GRXCR1: variants seen among roughly 807,000 people sequenced by gnomAD.
GRXCR1 encodes the protein glutaredoxin and cysteine rich domain containing 1.
In GRXCR1, 27 loss-of-function variants were observed where a neutral mutation model predicts 27.3. That is an observed-to-expected ratio of 0.99 (90% CI 0.73 to 1.37). The LOEUF is 1.37. Ranked by LOEUF, GRXCR1 falls within the 40% of genes most tolerant of loss-of-function variation. GRXCR1 has a pLI of 0.00. For synonymous variants in GRXCR1, 122 were observed against 131.1 expected, an observed-to-expected ratio of 0.93 and a Z score of 0.47; for missense variants, 379 against 354.4, an observed-to-expected ratio of 1.07 and a Z score of -0.56.
At chr4:42,988,206 TTG>T (rs1711842677) in intron 2 of GRXCR1, among the ~76,000 whole-genome samples, 1 of 152,202 alleles carries the variant, frequency 6.6e-6, no homozygotes, top group African/African-American at 2.4e-5. Flanking sequence ...CTGTCTATTA[TTG>T]TGTTTTGTCC....
At chr4:42,936,619 T>G (rs1747464112) in intron 1 of GRXCR1, among the ~76,000 whole-genome samples, 1 of 151,886 alleles carries the variant, frequency 6.6e-6, no homozygotes, top group Admixed American at 6.6e-5. Flanking sequence ...TTTATTCAGA[T>G]TTCCTTAGGG....
chr4:43,024,851 C>T (rs1222259138), intron 3 of GRXCR1, among the ~76,000 whole-genome samples: 1 of 152,040 alleles, frequency 6.6e-6, no homozygotes, highest in Non-Finnish European at 1.5e-5. Context: ...TAATGCCAAG[C>T]GTGTACTCTG....
At chr4:43,004,542 G>A (rs1056334797) in intron 2 of GRXCR1, among the ~76,000 whole-genome samples, 2 of 152,208 alleles carry the variant, frequency 1.3e-5, no homozygotes, top group African/African-American at 4.8e-5. Context: ...TCTGTGGGGG[G>A]TAACCCTGCA....
chr4:42,921,673 A>T (rs1253375662), intron 1 of GRXCR1, among the ~76,000 whole-genome samples: 1 of 152,140 alleles, frequency 6.6e-6, no homozygotes, highest in Admixed American at 6.5e-5. Flanking sequence ...TACCATATTT[A>T]AATATGTTTT....
chr4:42,903,419 C>T (rs1284947211), intron 1 of GRXCR1, among the ~76,000 whole-genome samples: 1 of 139,774 alleles, frequency 7.2e-6, no homozygotes, highest in African/African-American at 2.6e-5. Flanking sequence ...TCATGCCATT[C>T]TCCTGCCTCA....
chr4:42,952,328 AAAG>A (rs1223615267), intron 1 of GRXCR1, among the ~76,000 whole-genome samples: 2 of 152,110 alleles, frequency 1.3e-5, no homozygotes, highest in Non-Finnish European at 2.9e-5. Context: ...CCAATTCTCC[AAAG>A]AAGAAGGCAG....
intron 2 of GRXCR1, among the ~76,000 whole-genome samples, chr4:42,991,736 C>A (rs1185845889): frequency 6.6e-6 from 1 of 151,966 alleles, no homozygotes; most frequent in East Asian, 1.9e-4. Flanking sequence ...CATTATCATC[C>A]TCTGTTTATA....
Position 42,944,179 on chromosome 4 carries a change from G to T in GRXCR1, c.385-18713G>T, listed in dbSNP as rs76035948. ...ATGACTAGAGAAGACTGGATGGAAG[G>T]TGACTACAGGGTCTGGTAGAAGATG... On this transcript the variant is annotated intron_variant, in intron 1 of 3. Transcript: ENST00000399770. Among the ~76,000 whole-genome samples, 687 of 152,168 alleles carry T rather than the reference G, an allele frequency of 4.5e-3. 2 individuals are homozygous for T. The highest frequency in any genetic ancestry group is 5.4e-3 in the Non-Finnish European group (368 of 67,978).
chr4:42,922,600 G>A (rs906064910), intron 1 of GRXCR1, among the ~76,000 whole-genome samples: 3 of 152,050 alleles, frequency 2.0e-5, no homozygotes, highest in African/African-American at 7.2e-5. Context: ...CCCCATTAGG[G>A]CAAGAATGAA....
chr4:43,002,267 CA>C (rs1309746386), intron 2 of GRXCR1, among the ~76,000 whole-genome samples: 2 of 152,278 alleles, frequency 1.3e-5, no homozygotes, highest in Non-Finnish European at 2.9e-5. Context: ...GGCCATATTT[CA>C]GACTATCACA....
At chr4:42,948,050 A>G (rs1747788535) in intron 1 of GRXCR1, among the ~76,000 whole-genome samples, 1 of 152,102 alleles carries the variant, frequency 6.6e-6, no homozygotes, top group African/African-American at 2.4e-5. Flanking sequence ...TCTTGTCGTT[A>G]TTTGTTTTCT....
chr4:42,939,412 AG>A (rs1032420174), intron 1 of GRXCR1, among the ~76,000 whole-genome samples: 12 of 151,990 alleles, frequency 7.9e-5, no homozygotes, highest in African/African-American at 2.9e-4. Flanking sequence ...TGGAGTCTTT[AG>A]GTTTTTCCAA....
intron 2 of GRXCR1, among the ~76,000 whole-genome samples, chr4:43,020,093 A>G (rs545244076): frequency 6.6e-5 from 10 of 152,038 alleles, no homozygotes; most frequent in Middle Eastern, 3.4e-3. Context: ...TTGGACTTAA[A>G]CCTAACTGTT....
intron 2 of GRXCR1, among the ~76,000 whole-genome samples, chr4:43,016,246 T>C (rs1712927944): frequency 6.6e-6 from 1 of 152,240 alleles, no homozygotes; most frequent in Non-Finnish European, 1.5e-5. Flanking sequence ...GGATGTTTTA[T>C]TGAACATAGC....
At chr4:42,995,034 T>C (rs1205577492) in intron 2 of GRXCR1, among the ~76,000 whole-genome samples, 1 of 152,188 alleles carries the variant, frequency 6.6e-6, no homozygotes, top group Non-Finnish European at 1.5e-5. Flanking sequence ...GGACAATTTT[T>C]AATCTGTTTA....
chr4:42,972,850 G>C (rs912781363), intron 2 of GRXCR1, among the ~76,000 whole-genome samples: 8 of 152,030 alleles, frequency 5.3e-5, no homozygotes, highest in Non-Finnish European at 1.2e-4. Flanking sequence ...ATGGCCTTCA[G>C]TTCTACTCTT....
intron 1 of GRXCR1, among the ~76,000 whole-genome samples, chr4:42,953,265 G>A (rs1234059076): frequency 1.3e-5 from 2 of 152,258 alleles, no homozygotes; most frequent in East Asian, 3.9e-4. Context: ...CCTTGAATCT[G>A]TGTGGGTTTT....
chr4:42,979,276 C>T (rs1021420144), intron 2 of GRXCR1, among the ~76,000 whole-genome samples: 1 of 152,010 alleles, frequency 6.6e-6, no homozygotes, highest in Admixed American at 6.6e-5. Flanking sequence ...CTTAGAGGGA[C>T]AGCCTTCATC....
At chr4:42,982,303 G>T (rs1353660993) in intron 2 of GRXCR1, among the ~76,000 whole-genome samples, 10 of 144,688 alleles carry the variant, frequency 6.9e-5, no homozygotes, top group Non-Finnish European at 1.2e-4. Context: ...AGAATATGCG[G>T]TGTTTGGTTT....
Sources: gnomAD v4.1 joint callset for allele counts (sites outside exome capture counted in the v4.1 genomes callset) on GRCh38, gnomAD v4.1.1 for gene constraint, MANE v1.5 for transcripts, NCBI Gene and HGNC (gene_info 2026-07-23, HGNC 2026-07-21) for gene names.